The following HPCA variants were observed in gnomAD, a reference collection of about 807,000 sequenced individuals.
HPCA encodes the protein neuron-specific calcium-binding protein hippocalcin.
Under a neutral mutation model 18.2 loss-of-function variants are expected in HPCA, and 4 were observed. The observed-to-expected ratio is 0.22, with a 90% CI of 0.11 to 0.50. The LOEUF (loss-of-function observed/expected upper bound fraction) is 0.50. Ranked by LOEUF, HPCA falls within the 20% of genes least tolerant of loss-of-function variation. HPCA has a pLI of 0.97. For synonymous variants in HPCA, 93 were observed against 103.5 expected, an observed-to-expected ratio of 0.90 and a Z score of 0.61; for missense variants, 161 against 265.8, an observed-to-expected ratio of 0.61 and a Z score of 2.74.
At chr1:32,891,677 A>C (rs941109811) in intron 2 of HPCA, among the ~76,000 whole-genome samples, 3 of 152,240 alleles carry the variant, frequency 2.0e-5, no homozygotes, top group African/African-American at 7.2e-5. Context: ...TATATGTCCA[A>C]GGCTACACAG....
At position 32,888,910 on chromosome 1, in the gene HPCA, G is replaced by A. The variant is rs1415743969; in HGVS notation, c.12G>A (p.Gln4=). 1 of 1,611,644 alleles carries A rather than the reference G, an allele frequency of 6.2e-7. No individual in the cohort carries two copies. Residue 4 remains glutamine, a synonymous_variant, in exon 2 of 4, where the codon CAG becomes CAA. Transcript: ENST00000373467. The part of the protein sequence containing the change: MGK[Q]NSKLRPEMLQ... ...TTGGCTCGGCGGCCATGGGCAAGCA[G>A]AACAGCAAGCTGCGGCCCGAGATGT...
At chr1:32,890,697 C>A (rs1354987940) in intron 2 of HPCA, among the ~76,000 whole-genome samples, 1 of 152,216 alleles carries the variant, frequency 6.6e-6, no homozygotes, top group African/African-American at 2.4e-5. Flanking sequence ...GCTCTTGCCC[C>A]CTTTCCTTCT....
Position 32,889,029 on chromosome 1 carries a change from A to G in HPCA, c.131A>G (p.Asn44Ser). ...AAGGACTGCCCCACAGGAATCCTCAATGTGGATGAGTTCAAGAAGATCTAC... is the reference window on the plus strand; with the variant it reads ...AAGGACTGCCCCACAGGAATCCTCAGTGTGGATGAGTTCAAGAAGATCTAC... ...FLKDCPTGIL[N>S]VDEFKKIYAN... Residue 44 changes from asparagine to serine, a missense_variant, in exon 2 of 4, where the codon AAT becomes AGT. Asn to Ser is a conservative substitution (Grantham distance 46). Transcript: ENST00000373467. This position sits in a 1 kb window ranked among gnomAD's most constrained non-coding sequence, Gnocchi z 4.6. The G allele has an allele frequency of 3.1e-6, 5 of 1,614,208 alleles. No homozygotes were observed. The highest frequency in any genetic ancestry group is 4.2e-6 in the Non-Finnish European group (5 of 1,180,034).
chr1:32,890,533 G>C (rs950229851), intron 2 of HPCA, among the ~76,000 whole-genome samples: 5 of 152,204 alleles, frequency 3.3e-5, no homozygotes, highest in Admixed American at 6.5e-5. Context: ...ATAAGGACTT[G>C]AGCGGAAGGC....
At position 32,889,746 on chromosome 1, in the gene HPCA, T is replaced by C. The variant is rs1641425482; in HGVS notation, c.378+470T>C. On this transcript the variant is annotated intron_variant, in intron 2 of 3. Coordinates refer to ENST00000373467, the MANE Select transcript of HPCA (RefSeq NM_002143.3). The surrounding 1 kb of genome is among the most constrained non-coding windows in gnomAD (Gnocchi z 4.6). ...CCAACTGTCTCCATAATGTTCTTTA[T>C]AGCATTTTTGGCCCTGACCTGGGGT... Among the ~76,000 whole-genome samples the C allele has an allele frequency of 6.6e-6, 1 of 152,264 alleles. No homozygotes were observed. The highest frequency in any genetic ancestry group is 2.4e-5 in the African/African-American group (1 of 41,468).
intron 2 of HPCA, among the ~76,000 whole-genome samples, chr1:32,892,825 A>G (rs1641477149): frequency 6.6e-6 from 1 of 152,130 alleles, no homozygotes; most frequent in African/African-American, 2.4e-5. Flanking sequence ...GCTACAGGCC[A>G]AGCCCTACGT....
chr1:32,891,833 C>G lies in HPCA; in HGVS notation c.379-1691C>G, dbSNP rs143318700. On this transcript the variant is annotated intron_variant, in intron 2 of 3. Coordinates refer to ENST00000373467, the MANE Select transcript of HPCA (RefSeq NM_002143.3). ...GCTACCATTCATTGAGCAGTTACTACAGACCGGGTCTAATGCTAAAGGCCC... is the reference window on the plus strand; with the variant it reads ...GCTACCATTCATTGAGCAGTTACTAGAGACCGGGTCTAATGCTAAAGGCCC... Among the ~76,000 whole-genome samples, 745 of 152,262 alleles carry G rather than the reference C, an allele frequency of 4.9e-3. 8 individuals carry two copies. Among genetic ancestry groups the G allele is most frequent in the African/African-American group, 0.017 (701 of 41,538 alleles).
chr1:32,887,125 G>C (rs1641383160), intron 1 of HPCA, among the ~76,000 whole-genome samples: 1 of 152,158 alleles, frequency 6.6e-6, no homozygotes, highest in African/African-American at 2.4e-5. Context: ...TGGGCCATAA[G>C]AGGCTGGTCT....
At chr1:32,890,235 A>C (rs1275164900) in intron 2 of HPCA, among the ~76,000 whole-genome samples, 3 of 152,228 alleles carry the variant, frequency 2.0e-5, no homozygotes, top group Non-Finnish European at 4.4e-5. Flanking sequence ...TCTGGCTTCC[A>C]GTTCTGGAAG....
chr1:32,890,814 T>C (rs1225790717), intron 2 of HPCA, among the ~76,000 whole-genome samples: 1 of 152,254 alleles, frequency 6.6e-6, no homozygotes, highest in Non-Finnish European at 1.5e-5. Context: ...GTCTGGGTCT[T>C]CTCTCCAGGT....
At chr1:32,886,385 C>CA (rs1641363882), upstream of HPCA, 1 of 151,798 alleles carries the variant, frequency 6.6e-6, no homozygotes, top group South Asian at 2.1e-4. The surrounding 1 kb of genome is among the most constrained non-coding windows in gnomAD (Gnocchi z 7.0). Flanking sequence ...GGGACCCCCC[C>CA]AGGGGAGGGG....
intron 1 of HPCA, among the ~76,000 whole-genome samples, chr1:32,887,380 T>C (rs1431780185): frequency 6.6e-6 from 1 of 152,178 alleles, no homozygotes; most frequent in Admixed American, 6.5e-5. Context: ...CATTCACATG[T>C]GTGCAGAGCT....
rs1390404177 is a variant in HPCA, at chr1:32,889,249, C to T, written c.351C>T (p.Ser117=). 2 of 1,613,100 alleles carry T rather than the reference C, an allele frequency of 1.2e-6. No homozygotes were observed. The highest frequency in any genetic ancestry group is 2.7e-5 in the African/African-American group (2 of 74,932). Residue 117 remains serine, a synonymous_variant, in exon 2 of 4, where the codon AGC becomes AGT. Transcript: ENST00000373467. This position sits in a 1 kb window ranked among gnomAD's most constrained non-coding sequence, Gnocchi z 4.6. ...MYDLDGNGYI[S]REEMLEIVQA... ...ACCTGGACGGCAACGGCTACATCAG[C>T]CGGGAGGAGATGCTGGAGATCGTGC...
chr1:32,893,663 C>A lies in HPCA; in HGVS notation c.484+34C>A. The A allele has an allele frequency of 6.7e-7, 1 of 1,488,894 alleles. No homozygotes were observed. The highest frequency in any genetic ancestry group is 9.4e-7 in the Non-Finnish European group (1 of 1,069,002). 92.2% of individuals were successfully genotyped at this position (1,488,894 alleles called of 1,614,324 possible). On this transcript the variant is annotated intron_variant, in intron 3 of 3. Transcript: ENST00000373467. The surrounding 1 kb of genome is among the most constrained non-coding windows in gnomAD (Gnocchi z 7.5). Reference sequence around the variant, plus strand: ...CAGGGGCGGGACGGGGTGGACGGGGCGGGCGCCTTTCCCTCCCTCCCTCCC... The same window carrying A: ...CAGGGGCGGGACGGGGTGGACGGGGAGGGCGCCTTTCCCTCCCTCCCTCCC...
Position 32,893,914 on chromosome 1 carries a change from T to C in HPCA, c.*52T>C. 3.9e-6 allele frequency: 5 copies of C among 1,270,828 alleles called. No homozygotes were observed. The highest frequency in any genetic ancestry group is 5.6e-6 in the Non-Finnish European group (5 of 896,260). 78.7% of individuals were successfully genotyped at this position (1,270,828 alleles called of 1,614,324 possible). Reference sequence around the variant, plus strand: ...CCCTTCACCGGCCCCCTCCCGGCTCTTAGCTTCCACTCCCTTGTGTGTATT... The same window carrying C: ...CCCTTCACCGGCCCCCTCCCGGCTCCTAGCTTCCACTCCCTTGTGTGTATT... On this transcript the variant is annotated 3_prime_UTR_variant, in exon 4 of 4. Transcript: ENST00000373467. The surrounding 1 kb of genome is among the most constrained non-coding windows in gnomAD (Gnocchi z 7.5).
chr1:32,892,479 T>C (rs1239497260), intron 2 of HPCA, among the ~76,000 whole-genome samples: 1 of 152,154 alleles, frequency 6.6e-6, no homozygotes, highest in Non-Finnish European at 1.5e-5. Context: ...GCTTGTAAAC[T>C]GAGCCCCAAG....
At chr1:32,886,483 T>C (rs1033883313), upstream of HPCA, 2 of 152,094 alleles carry the variant, frequency 1.3e-5, no homozygotes, top group African/African-American at 2.4e-5. The surrounding 1 kb of genome is among the most constrained non-coding windows in gnomAD (Gnocchi z 7.0). Flanking sequence ...CAGCGCCGCC[T>C]TCCCTGCGCA....
rs1472336070 is a variant in HPCA at position 32,886,669 on chromosome 1, G to C, written c.-22+154G>C. 6.6e-6 allele frequency among the ~76,000 whole-genome samples: 1 copy of C among 152,042 alleles called. No homozygotes were observed. The highest frequency in any genetic ancestry group is 1.5e-5 in the Non-Finnish European group (1 of 67,940). On this transcript the variant is annotated intron_variant, in intron 1 of 3. Coordinates refer to ENST00000373467, the MANE Select transcript of HPCA (RefSeq NM_002143.3). The surrounding 1 kb of genome is among the most constrained non-coding windows in gnomAD (Gnocchi z 7.0). ...GGGGGCGCTGGGGACTGGGAAGCGCGCGGTGCTCTCCAGGGTCCTGACCGC... is the reference window on the plus strand; with the variant it reads ...GGGGGCGCTGGGGACTGGGAAGCGCCCGGTGCTCTCCAGGGTCCTGACCGC...
chr1:32,892,599 A>T (rs1418073671), intron 2 of HPCA, among the ~76,000 whole-genome samples: 2 of 151,982 alleles, frequency 1.3e-5, no homozygotes, highest in Admixed American at 1.3e-4. Flanking sequence ...AACAGTGGAG[A>T]TCTGTGTTCG....
Sources: gnomAD v4.1 joint callset for allele counts (sites outside exome capture counted in the v4.1 genomes callset) on GRCh38, gnomAD v4.1.1 for gene constraint, Gnocchi (gnomAD v3.1) non-coding constraint, MANE v1.5 for transcripts, NCBI Gene and HGNC (gene_info 2026-07-23, HGNC 2026-07-21) for gene names.